The following ZC3H13 variants were observed in gnomAD, a reference collection of about 807,000 sequenced individuals.
ZC3H13 encodes zinc finger CCCH-type containing 13.
Under a neutral mutation model 204.1 loss-of-function variants are expected in ZC3H13, and 64 were observed. That is an observed-to-expected ratio of 0.31 (90% confidence interval 0.26 to 0.39). ZC3H13 has a LOEUF of 0.39. Ranked by LOEUF, ZC3H13 falls within the 10% of genes least tolerant of loss-of-function variation. ZC3H13 has a pLI of 1.00. For missense variants in ZC3H13, 1,833 were observed against 2,082.7 expected, an observed-to-expected ratio of 0.88 and a Z score of 2.33; for synonymous variants, 667 against 693.7, an observed-to-expected ratio of 0.96 and a Z score of 0.60.
At chr13:45,989,983 TAAGTCA>T (rs1253750801) in intron 8 of ZC3H13, among the ~76,000 whole-genome samples, 1 of 152,244 alleles carries the variant, frequency 6.6e-6, no homozygotes, top group Non-Finnish European at 1.5e-5. Context: ...TCTGATTTTT[TAAGTCA>T]AAGTATTTCT....
chr13:46,048,661 T>A (rs1039377828), intron 1 of ZC3H13, among the ~76,000 whole-genome samples: 37 of 149,178 alleles, frequency 2.5e-4, no homozygotes, highest in African/African-American at 8.9e-4. Flanking sequence ...TGAAGACTAA[T>A]GATCCACCTC....
chr13:45,998,371 C>G (rs377029683), intron 8 of ZC3H13, among the ~76,000 whole-genome samples: 1 of 151,988 alleles, frequency 6.6e-6, no homozygotes, highest in African/African-American at 2.4e-5. Flanking sequence ...ACAGGCCGGG[C>G]GCGGTGGCTC....
Position 45,970,359 on chromosome 13 carries a change from T to C in ZC3H13, c.2572+3A>G. ...AGAGAGACAGAAAACAGAGTCTGCT[T>C]ACTTTTATCATCTCCACTGTTGTAG... On this transcript the variant is annotated splice_donor_region_variant and intron_variant, in intron 13 of 18. Transcript: ENST00000679008. 1.2e-6 allele frequency: 2 copies of C among 1,613,222 alleles called. No homozygotes were observed. Among genetic ancestry groups the C allele is most frequent in the Non-Finnish European group, 8.5e-7 (1 of 1,179,472 alleles).
intron 8 of ZC3H13, among the ~76,000 whole-genome samples, chr13:45,999,010 G>C (rs1193388476): frequency 6.6e-6 from 1 of 152,200 alleles, no homozygotes; most frequent in Non-Finnish European, 1.5e-5. Context: ...GGAGGCCAAG[G>C]CAGGATTACT....
chr13:45,957,336 T>G (rs1419884871), intron 18 of ZC3H13, 39 bp from the exon 19 acceptor site: 1 of 1,421,320 alleles, frequency 7.0e-7, no homozygotes, highest in Non-Finnish European at 9.3e-7. Context: ...AAAAAAGATG[T>G]ACATTATTAG....
intron 8 of ZC3H13, among the ~76,000 whole-genome samples, chr13:45,993,703 GTGTGATT>G (rs1289220469): frequency 1.3e-5 from 2 of 152,190 alleles, no homozygotes; most frequent in Non-Finnish European, 2.9e-5. Flanking sequence ...AAATGCTTCT[GTGTGATT>G]TGTTTTACAC....
At chr13:45,989,364 C>A (rs1168800672) in intron 8 of ZC3H13, among the ~76,000 whole-genome samples, 1 of 152,174 alleles carries the variant, frequency 6.6e-6, no homozygotes, top group Admixed American at 6.5e-5. Flanking sequence ...CATTTTCCAA[C>A]ATACACCATC....
rs754203073 is a variant in ZC3H13, at chr13:45,967,686, T to C, written c.4139A>G (p.Glu1380Gly). ...TTTCACAGACTCTATTTGAGAACTC[T>C]CAAAAGTTCTGTCTCTGTCTCTGTC... ...DRDRDRDRTFESSQIESVKRC... is the reference protein window; with the variant it reads ...DRDRDRDRTFGSSQIESVKRC... Residue 1380 changes from glutamate to glycine, a missense_variant, in exon 15 of 19, where the codon GAG (glutamate) becomes GGG (glycine). Coordinates refer to ENST00000679008, the MANE Select transcript of ZC3H13 (RefSeq NM_001330564.2). 1 of 1,613,982 alleles carries C rather than the reference T, an allele frequency of 6.2e-7. No individual in the cohort carries two copies. The highest frequency in any genetic ancestry group is 1.1e-5 in the South Asian group (1 of 91,078).
intron 12 of ZC3H13, among the ~76,000 whole-genome samples, chr13:45,974,235 ATGAACAC>A (rs1185546722): frequency 6.6e-6 from 1 of 152,190 alleles, no homozygotes. Context: ...TAGAATTCTC[ATGAACAC>A]TGTGATCAGC....
chr13:46,037,107 T>C (rs2139074492), intron 4 of ZC3H13, among the ~76,000 whole-genome samples: 1 of 152,298 alleles, frequency 6.6e-6, no homozygotes, highest in South Asian at 2.1e-4. Flanking sequence ...GAAAAAGTTC[T>C]GGAAATGAAT....
chr13:46,026,382 A>T (rs2042546664), intron 4 of ZC3H13, among the ~76,000 whole-genome samples: 1 of 152,072 alleles, frequency 6.6e-6, no homozygotes, highest in African/African-American at 2.4e-5. Context: ...TACTACTAAG[A>T]TACTTTAACA....
At chr13:45,965,204 C>A in intron 16 of ZC3H13, 76 bp downstream of exon 16, 1 of 1,475,298 alleles carries the variant, frequency 6.8e-7, no homozygotes, top group Non-Finnish European at 9.0e-7. Flanking sequence ...TCAATTTTTA[C>A]AGAGTAGAAG....
rs1390901816 is a variant in ZC3H13 at position 46,004,138 on chromosome 13, C to CTG, written c.747-803_747-802insCA. On this transcript the variant is annotated intron_variant, in intron 7 of 18. Transcript: ENST00000679008. ...TTTCTCTCATCATTGGAAATGGTAA[C>CTG]TCTGTGTGTGTGTGTGTGTGTGTCA... is the stretch of plus-strand genomic sequence containing the variant. Among the ~76,000 whole-genome samples, 16 of 77,768 alleles carry CTG rather than the reference C, an allele frequency of 2.1e-4. No individual in the cohort carries two copies. The East Asian group carries it at 3.1e-3, about 15-fold the overall frequency. 51.0% of individuals were successfully genotyped at this position (77,768 alleles called of 152,430 possible).
intron 17 of ZC3H13, among the ~76,000 whole-genome samples, chr13:45,960,853 C>G (rs1446376389): frequency 6.6e-6 from 1 of 152,152 alleles, no homozygotes; most frequent in Admixed American, 6.5e-5. Flanking sequence ...AATGAAGCTG[C>G]AATACATAGC....
chr13:45,963,695 G>A, intron 17 of ZC3H13, 147 bp downstream of exon 17: 1 of 1,477,246 alleles, frequency 6.8e-7, no homozygotes, highest in Non-Finnish European at 8.9e-7. Flanking sequence ...CTTTGACCAT[G>A]AGGGTTAAAT....
chr13:46,004,198 G>C (rs904436819), intron 7 of ZC3H13, among the ~76,000 whole-genome samples: 1 of 151,682 alleles, frequency 6.6e-6, no homozygotes, highest in Non-Finnish European at 1.5e-5. Context: ...ACAATATTTT[G>C]CAAAATTTTC....
In ZC3H13 at chr13:45,964,034, C is replaced by A. The variant is rs1380139044; in HGVS notation, c.4483G>T (p.Asp1495Tyr). Residue 1495 changes from aspartate to tyrosine, a missense_variant, in exon 17 of 19, where the codon GAT becomes TAT. Around this residue, in one of 5 missense-constraint regions of ZC3H13, gnomAD observed 211 missense variants for 228.4 expected, o/e 0.92. Transcript: ENST00000679008. ...QDEEKMPDPL[D>Y]VIDVDWSGLM... ...CCAGACCAATCCACATCTATCACAT[C>A]TAAGGGATCTGTAAAAAGTTAAAAA... The A allele has an allele frequency of 6.2e-7, 1 of 1,607,464 alleles. No individual in the cohort carries two copies. The highest frequency in any genetic ancestry group is 1.3e-5 in the African/African-American group (1 of 74,552).
At chr13:46,019,622 T>A (rs1286325362) in intron 5 of ZC3H13, among the ~76,000 whole-genome samples, 1 of 152,116 alleles carries the variant, frequency 6.6e-6, no homozygotes, top group Non-Finnish European at 1.5e-5. Flanking sequence ...TTTCAGAACA[T>A]CAAAGAGGTG....
At position 45,967,810 on chromosome 13, in the gene ZC3H13, T is replaced by C; in HGVS notation, c.4015A>G (p.Arg1339Gly). ...KDWPRNRDRD[R>G]LRERERERER... ...CTCTCTCGTTCTCGTTCTCGCAATC[T>C]ATCTCGATCCCTGTTGCGTGGCCAA... The change falls in exon 15 of 19, where the codon AGA becomes GGA. Residue 1339 changes from arginine to glycine, a missense_variant. Arg to Gly is a moderately radical substitution (Grantham distance 125). Coordinates refer to ENST00000679008, the MANE Select transcript of ZC3H13 (RefSeq NM_001330564.2). The C allele has an allele frequency of 6.2e-7, 1 of 1,613,442 alleles. No individual in the cohort carries two copies. The highest frequency in any genetic ancestry group is 8.5e-7 in the Non-Finnish European group (1 of 1,179,676).
Sources: gnomAD v4.1 joint callset for allele counts (sites outside exome capture counted in the v4.1 genomes callset) on GRCh38, gnomAD v4.1.1 for gene constraint, gnomAD v4.1.1 regional missense constraint, MANE v1.5 for transcripts, NCBI Gene and HGNC (gene_info 2026-07-23, HGNC 2026-07-21) for gene names.